AK8: variants seen among roughly 807,000 people sequenced by gnomAD.
The protein encoded by AK8 is adenylate kinase 8.
A neutral mutation model predicts 54.6 loss-of-function variants in AK8; 44 were observed. That is an observed-to-expected ratio of 0.81 (90% CI 0.63 to 1.04). The LOEUF (loss-of-function observed/expected upper bound fraction) is 1.04, where lower values mean the gene tolerates loss of function less well. Ranked by LOEUF, AK8 falls within the 50% of genes least tolerant of loss-of-function variation. The pLI is 0.00. For missense variants in AK8, 555 were observed against 613.6 expected (o/e 0.90, Z 1.01); for synonymous variants, 239 against 245.6 (o/e 0.97, Z 0.25).
intron 5 of AK8, among the ~76,000 whole-genome samples, chr9:132,850,446 GAGTGC>G (rs1368138515): frequency 6.7e-6 from 1 of 149,098 alleles, no homozygotes; most frequent in Admixed American, 6.7e-5. Flanking sequence ...ACCCAGGCTG[GAGTGC>G]AGTGGCGTGA....
chr9:132,873,331 A>T (rs866871954), intron 2 of AK8, among the ~76,000 whole-genome samples: 3 of 152,298 alleles, frequency 2.0e-5, no homozygotes, highest in Middle Eastern at 6.8e-3. Flanking sequence ...AACCAAACAC[A>T]TCCATTTCAC....
At chr9:132,786,071 T>C (rs1839697137) in intron 11 of AK8, among the ~76,000 whole-genome samples, 1 of 152,232 alleles carries the variant, frequency 6.6e-6, no homozygotes, top group Non-Finnish European at 1.5e-5. Context: ...GGCAACGAGC[T>C]GAGGCGGCCT....
chr9:132,834,108 T>C (rs1263154028), intron 5 of AK8, among the ~76,000 whole-genome samples: 1 of 152,228 alleles, frequency 6.6e-6, no homozygotes, highest in Non-Finnish European at 1.5e-5. Context: ...TTGGACTCGA[T>C]AAATCAGTTT....
chr9:132,751,389 A>AC (rs974684721), intron 11 of AK8, among the ~76,000 whole-genome samples: 11 of 150,506 alleles, frequency 7.3e-5, no homozygotes, highest in African/African-American at 2.7e-4. Flanking sequence ...AAAAAAAAAA[A>AC]AAAAAAACAA....
chr9:132,765,154 G>A lies in AK8; in HGVS notation c.1121+27480C>T, dbSNP rs551527101. On this transcript the variant is annotated intron_variant, in intron 11 of 12. Coordinates refer to ENST00000298545, the MANE Select transcript of AK8 (RefSeq NM_152572.3). Reference sequence around the variant, plus strand: ...CTAAAATGCAAAAAATTAGCTGGGCGTGGTGGCACGCACTTGTAGTCCCAG... The same window carrying A: ...CTAAAATGCAAAAAATTAGCTGGGCATGGTGGCACGCACTTGTAGTCCCAG... 1.8e-4 allele frequency among the ~76,000 whole-genome samples: 28 copies of A among 152,168 alleles called. 1 individual carries two copies. In the South Asian group the frequency reaches 3.7e-3, roughly 20 times the overall value.
chr9:132,792,716 G>A lies in AK8; in HGVS notation c.1039C>T (p.Gln347Ter). 1.3e-6 allele frequency: 2 copies of A among 1,557,732 alleles called. No homozygotes were observed. Among genetic ancestry groups the A allele is most frequent in the Non-Finnish European group, 8.7e-7 (1 of 1,151,080 alleles). Residue 347 changes from glutamine (Q) to a stop codon, truncating the protein, a stop_gained, in exon 11 of 13, where the codon CAG (glutamine) becomes TAG (stop). Coordinates refer to ENST00000298545, the MANE Select transcript of AK8 (RefSeq NM_152572.3). LOFTEE classifies it high-confidence loss of function. ...SQRLDQQDCI[Q>*]KGWVLHGVPR... ...ACGCCGTGTAGCACCCAGCCTTTCT[G>A]GATGCAGTCCTGCTGGTCCAGGCGC... is the stretch of plus-strand genomic sequence containing the variant.
Position 132,770,047 on chromosome 9 carries a change from G to C in AK8, c.1121+22587C>G, listed in dbSNP as rs1838892907. On this transcript the variant is annotated intron_variant, in intron 11 of 12. Coordinates refer to ENST00000298545, the MANE Select transcript of AK8 (RefSeq NM_152572.3). The surrounding 1 kb of genome is among the most constrained non-coding windows in gnomAD (Gnocchi z 4.3). Reference sequence around the variant, plus strand: ...GGGCTCCAGGCGAAGAGGGGCATCTGGTTAAAGCGAATTCGGGCGCATCGT... The same window carrying C: ...GGGCTCCAGGCGAAGAGGGGCATCTCGTTAAAGCGAATTCGGGCGCATCGT... 6.6e-6 allele frequency: 1 copy of C among 152,264 alleles called. No individual in the cohort carries two copies. The highest frequency in any genetic ancestry group is 2.4e-5 in the African/African-American group (1 of 41,450). The allele number at this position is 152,264 out of a possible 1,614,324, so 9.4% of individuals were successfully genotyped here. A position where few individuals can be genotyped will look rare whatever the true frequency, so the allele number is the denominator to read the frequency against.
At chr9:132,734,801 G>A (rs1224693345) in intron 11 of AK8, among the ~76,000 whole-genome samples, 2 of 152,048 alleles carry the variant, frequency 1.3e-5, no homozygotes, top group African/African-American at 4.8e-5. Context: ...AGGCTGAGAT[G>A]GACGGATCAC....
chr9:132,840,415 C>T (rs943922802), intron 5 of AK8, among the ~76,000 whole-genome samples: 2 of 148,872 alleles, frequency 1.3e-5, no homozygotes, highest in Admixed American at 1.3e-4. Flanking sequence ...CTCACACACA[C>T]ACACACACAC....
intron 10 of AK8, among the ~76,000 whole-genome samples, chr9:132,811,469 G>T (rs527829307): frequency 6.6e-6 from 1 of 152,326 alleles, no homozygotes; most frequent in South Asian, 2.1e-4. Flanking sequence ...CATGGGGATG[G>T]CCCCCAGAAG....
chr9:132,842,626 T>C (rs1842590529), intron 5 of AK8, among the ~76,000 whole-genome samples: 1 of 152,190 alleles, frequency 6.6e-6, no homozygotes, highest in African/African-American at 2.4e-5. Flanking sequence ...TGCATAACAA[T>C]CTTAGTGACT....
At chr9:132,773,749 C>A (rs1278871420) in intron 11 of AK8, among the ~76,000 whole-genome samples, 1 of 152,174 alleles carries the variant, frequency 6.6e-6, no homozygotes. Flanking sequence ...AACCACTGTC[C>A]TATTATGCTG....
Position 132,790,732 on chromosome 9 carries a change from G to T in AK8, c.1121+1902C>A, listed in dbSNP as rs1839913050. ...AAAGTATAAATATTGAAAAGGAAGA[G>T]GCAAAAGGATGAGTATTTGTAGATG... On this transcript the variant is annotated intron_variant, in intron 11 of 12. Transcript: ENST00000298545. This position sits in a 1 kb window ranked among gnomAD's most constrained non-coding sequence, Gnocchi z 4.1. Among the ~76,000 whole-genome samples, 1 of 152,032 alleles carries T rather than the reference G, an allele frequency of 6.6e-6. No homozygotes were observed. The highest frequency in any genetic ancestry group is 2.4e-5 in the African/African-American group (1 of 41,382).
At chr9:132,873,715 C>G (rs1010102929) in intron 2 of AK8, among the ~76,000 whole-genome samples, 2 of 142,250 alleles carry the variant, frequency 1.4e-5, no homozygotes, top group Admixed American at 6.8e-5. Flanking sequence ...GCTCCCAGCA[C>G]CCACTCGGCC....
rs746955299 is a variant in AK8 at position 132,860,467 on chromosome 9, G to A, written c.333+3198C>T. ...AGCATCGTTCACATCTGGCGGACTC[G>A]AACGCAGGTAGAGGACAGGGAGAGT... On this transcript the variant is annotated intron_variant, in intron 4 of 12. Transcript: ENST00000298545. This position sits in a 1 kb window ranked among gnomAD's most constrained non-coding sequence, Gnocchi z 4.4. Among the ~76,000 whole-genome samples the A allele has an allele frequency of 3.3e-5, 5 of 152,328 alleles. No individual in the cohort carries two copies. The highest frequency in any genetic ancestry group is 7.3e-5 in the Non-Finnish European group (5 of 68,032).
rs182517322 is a variant in AK8 at position 132,751,388 on chromosome 9, A to C, written c.1122-23854T>G. Among the ~76,000 whole-genome samples, 101 of 150,388 alleles carry C rather than the reference A, an allele frequency of 6.7e-4. 4 individuals carry two copies. The highest frequency in any genetic ancestry group is 1.1e-3 in the Admixed American group (16 of 15,046). ...GACAGAGTGAGACTCCAAAAAAAAA[A>C]AAAAAAAACAAAAAAAACCAACTTC... On this transcript the variant is annotated intron_variant, in intron 11 of 12. Coordinates refer to ENST00000298545, the MANE Select transcript of AK8 (RefSeq NM_152572.3).
chr9:132,754,634 C>T (rs536109997), intron 11 of AK8, among the ~76,000 whole-genome samples: 1 of 152,298 alleles, frequency 6.6e-6, no homozygotes, highest in African/African-American at 2.4e-5. Flanking sequence ...TGCTGCTGTT[C>T]CCGGGAGGAC....
intron 5 of AK8, among the ~76,000 whole-genome samples, chr9:132,839,876 G>A (rs892394229): frequency 6.6e-6 from 1 of 151,236 alleles, no homozygotes; most frequent in East Asian, 1.9e-4. Flanking sequence ...AGAGTGCAGT[G>A]GCGCGATCTC....
chr9:132,745,332 TCTCGGATTACGCGGCTAATTG>T (rs1837591365), intron 11 of AK8, among the ~76,000 whole-genome samples: 1 of 152,194 alleles, frequency 6.6e-6, no homozygotes, highest in Non-Finnish European at 1.5e-5. Flanking sequence ...CGGCTCCCTC[TCTCGGATTACGCGGCTAATTG>T]CTCGACTTTA....
Sources: gnomAD v4.1 joint callset for allele counts (sites outside exome capture counted in the v4.1 genomes callset) on GRCh38, gnomAD v4.1.1 for gene constraint, Gnocchi (gnomAD v3.1) non-coding constraint, MANE v1.5 for transcripts, NCBI Gene and HGNC (gene_info 2026-07-23, HGNC 2026-07-21) for gene names.